The following IDE variants were observed in gnomAD, a reference collection of about 807,000 sequenced individuals.
The protein encoded by IDE is insulin degrading enzyme, also known as insulin-degrading enzyme.
IDE carries 58 observed loss-of-function variants against 133.2 expected under a neutral mutation model. That is an observed-to-expected ratio of 0.44 (90% CI 0.35 to 0.54). IDE has a LOEUF of 0.54. Ranked by LOEUF, IDE falls within the 20% of genes least tolerant of loss-of-function variation. IDE has a pLI of 0.00. For missense variants in IDE, 981 were observed against 1,234.0 expected (o/e 0.79, Z 3.07); for synonymous variants, 396 against 421.3 (o/e 0.94, Z 0.73).
Position 92,490,597 on chromosome 10 carries a change from T to C in IDE, c.1431-2A>G. On this transcript the variant is annotated splice_acceptor_variant, in intron 11 of 24. Coordinates refer to ENST00000265986, the MANE Select transcript of IDE (RefSeq NM_004969.4). LOFTEE classifies it high-confidence loss of function. ...AAAGATTTAGAAACTATGGCAACCC[T>C]AGAGATAGAAAAAACAAACAAAAAA... 6.3e-7 allele frequency: 1 copy of C among 1,583,392 alleles called. No individual in the cohort carries two copies. The highest frequency in any genetic ancestry group is 8.7e-7 in the Non-Finnish European group (1 of 1,155,104).
chr10:92,503,677 T>C (rs1459279089), intron 11 of IDE, among the ~76,000 whole-genome samples: 1 of 152,032 alleles, frequency 6.6e-6, no homozygotes, highest in Admixed American at 6.6e-5. Context: ...CAAACAATGG[T>C]AACTAGGAAA....
intron 1 of IDE, among the ~76,000 whole-genome samples, chr10:92,569,736 AG>A: frequency 6.6e-6 from 1 of 152,262 alleles, no homozygotes; most frequent in South Asian, 2.1e-4. Context: ...TAAGTTATGC[AG>A]TAAATATGTA....
At chr10:92,565,107 C>T (rs538258592) in intron 1 of IDE, among the ~76,000 whole-genome samples, 49 of 151,662 alleles carry the variant, frequency 3.2e-4, no homozygotes, top group African/African-American at 1.1e-3. Flanking sequence ...AATTAGCCGG[C>T]GTGGTAGCGG....
At chr10:92,494,404 G>C (rs1437412778) in intron 11 of IDE, among the ~76,000 whole-genome samples, 1 of 150,984 alleles carries the variant, frequency 6.6e-6, no homozygotes, top group Non-Finnish European at 1.5e-5. Flanking sequence ...CTAGAGTGTG[G>C]GGGAAGAAAA....
chr10:92,524,424 T>C (rs1231326310), intron 4 of IDE, among the ~76,000 whole-genome samples: 2 of 91,282 alleles, frequency 2.2e-5, no homozygotes, highest in Non-Finnish European at 4.0e-5. Context: ...ATATTATATA[T>C]AATATATTTT....
intron 22 of IDE, among the ~76,000 whole-genome samples, chr10:92,460,618 T>A (rs1483896825): frequency 2.0e-5 from 3 of 151,828 alleles, no homozygotes; most frequent in African/African-American, 7.3e-5. Flanking sequence ...AGAAAAAAAA[T>A]TTGCAAAATA....
intron 10 of IDE, among the ~76,000 whole-genome samples, chr10:92,505,647 G>A (rs1848257012): frequency 6.6e-6 from 1 of 152,112 alleles, no homozygotes; most frequent in African/African-American, 2.4e-5. Context: ...TAAAAAAAGG[G>A]GCAGGGGCAT....
chr10:92,476,017 TA>T, intron 15 of IDE, 23 bp from the exon 16 acceptor site: 1 of 983,602 alleles, frequency 1.0e-6, no homozygotes, highest in Non-Finnish European at 1.6e-6. Flanking sequence ...TTCAGGGTAT[TA>T]AAAGTCTAAA....
intron 13 of IDE, 58 bp from the exon 14 acceptor site, chr10:92,483,395 A>T (rs1420128896): frequency 1.1e-6 from 1 of 907,664 alleles, no homozygotes; most frequent in Non-Finnish European, 1.8e-6. Flanking sequence ...AAAAATGTTC[A>T]ATCAAATCAC....
chr10:92,541,128 G>T (rs1842284257), intron 1 of IDE, among the ~76,000 whole-genome samples: 1 of 152,094 alleles, frequency 6.6e-6, no homozygotes. Flanking sequence ...AATTTCCAAG[G>T]TGGCAATACT....
At chr10:92,530,272 A>G (rs1312620422) in intron 4 of IDE, among the ~76,000 whole-genome samples, 2 of 151,614 alleles carry the variant, frequency 1.3e-5, no homozygotes, top group Non-Finnish European at 2.9e-5. Flanking sequence ...ATTTGAATGT[A>G]ATGCTTTTGA....
rs1844869943 is a variant in IDE at position 92,454,187 on chromosome 10, T to A, written c.*257A>T. ...ATCATTCATTTTAAGCATTGTTATATTGGGGAAATTTCTCTCAGTAATCAA... is the reference window on the plus strand; with the variant it reads ...ATCATTCATTTTAAGCATTGTTATAATGGGGAAATTTCTCTCAGTAATCAA... On this transcript the variant is annotated 3_prime_UTR_variant, in exon 25 of 25. Coordinates refer to ENST00000265986, the MANE Select transcript of IDE (RefSeq NM_004969.4). The A allele has an allele frequency of 6.5e-6, 2 of 307,624 alleles. No individual in the cohort carries two copies. Among genetic ancestry groups the A allele is most frequent in the African/African-American group, 4.3e-5 (2 of 46,906 alleles). The allele number at this position is 307,624 out of a possible 1,614,324, so 19.1% of individuals were successfully genotyped here.
At chr10:92,544,760 T>G (rs892622270) in intron 1 of IDE, among the ~76,000 whole-genome samples, 1 of 152,128 alleles carries the variant, frequency 6.6e-6, no homozygotes, top group South Asian at 2.1e-4. Flanking sequence ...ACACAGGTAG[T>G]AGGGGGAGTC....
chr10:92,573,345 G>T (rs1358516767), intron 1 of IDE, among the ~76,000 whole-genome samples: 1 of 152,176 alleles, frequency 6.6e-6, no homozygotes, highest in Non-Finnish European at 1.5e-5. Flanking sequence ...GTATCTTTTG[G>T]CTCCTAAATG....
intron 11 of IDE, among the ~76,000 whole-genome samples, chr10:92,496,045 T>G (rs1847683308): frequency 6.6e-6 from 1 of 152,132 alleles, no homozygotes; most frequent in South Asian, 2.1e-4. Context: ...CGGCTAATTT[T>G]TGTATTTTTA....
intron 4 of IDE, among the ~76,000 whole-genome samples, chr10:92,525,440 T>C (rs1376040191): frequency 1.3e-5 from 2 of 152,112 alleles, no homozygotes; most frequent in South Asian, 2.1e-4. Context: ...TAACATCATA[T>C]GGAACAGCGA....
chr10:92,468,947 T>G lies in IDE; in HGVS notation c.2252A>C (p.Glu751Ala). Residue 751 changes from glutamate to alanine, a missense_variant, in exon 19 of 25, where the codon GAA (glutamate) becomes GCA (alanine). This residue lies in a region of IDE where 660 missense variants were observed against 894.7 expected (regional missense o/e 0.74). Coordinates refer to ENST00000265986, the MANE Select transcript of IDE (RefSeq NM_004969.4). ...IMQMVEDTLI[E>A]HAHTKPLLPS... ...AAGGAGAGGTTTGGTATGAGCATGTTCAATGAGGGTGTCTTCAACCATCTG... is the reference window on the plus strand; with the variant it reads ...AAGGAGAGGTTTGGTATGAGCATGTGCAATGAGGGTGTCTTCAACCATCTG... 1 of 1,613,134 alleles carries G rather than the reference T, an allele frequency of 6.2e-7. No homozygotes were observed. Among genetic ancestry groups the G allele is most frequent in the Non-Finnish European group, 8.5e-7 (1 of 1,179,082 alleles).
intron 2 of IDE, among the ~76,000 whole-genome samples, chr10:92,536,928 C>T (rs928112046): frequency 2.6e-5 from 4 of 151,586 alleles, no homozygotes; most frequent in African/African-American, 9.7e-5. Context: ...GTCCCAGCTA[C>T]TCAGGAGGCT....
intron 1 of IDE, among the ~76,000 whole-genome samples, chr10:92,565,116 G>A (rs995350107): frequency 3.3e-5 from 5 of 151,624 alleles, no homozygotes; most frequent in African/African-American, 4.8e-5. Flanking sequence ...GCGTGGTAGC[G>A]GGCGCCTGTA....
Sources: gnomAD v4.1 joint callset for allele counts (sites outside exome capture counted in the v4.1 genomes callset) on GRCh38, gnomAD v4.1.1 for gene constraint, gnomAD v4.1.1 regional missense constraint, MANE v1.5 for transcripts, NCBI Gene and HGNC (gene_info 2026-07-23, HGNC 2026-07-21) for gene names.